The following PDZD2 variants were observed in gnomAD, a reference collection of about 807,000 sequenced individuals.
The protein encoded by PDZD2 is PDZ domain-containing protein 2.
Under a neutral mutation model 220.7 loss-of-function variants are expected in PDZD2, and 90 were observed. That is an observed-to-expected ratio of 0.41 (90% CI 0.34 to 0.49). PDZD2 has a LOEUF of 0.49. Among genes scored for constraint, PDZD2 ranks in the 20% least tolerant of loss-of-function variants. PDZD2 has a pLI of 0.28. For missense variants in PDZD2, 3,174 were observed against 3,608.5 expected (o/e 0.88, Z 3.08); for synonymous variants, 1,375 against 1,450.5 (o/e 0.95, Z 1.18).
chr5:32,068,849 G>GTA (rs1214938830), intron 14 of PDZD2, among the ~76,000 whole-genome samples: 3 of 151,978 alleles, frequency 2.0e-5, no homozygotes, highest in African/African-American at 7.3e-5. Flanking sequence ...GCGTGTGTGT[G>GTA]TATGTGTCTG....
chr5:31,731,784 C>G (rs368042347), intron 1 of PDZD2, among the ~76,000 whole-genome samples: 6 of 152,210 alleles, frequency 3.9e-5, no homozygotes, highest in Admixed American at 6.5e-5. Context: ...CTTTTGACTA[C>G]TGTCAACACT....
At chr5:31,867,786 T>A (rs571375428) in intron 2 of PDZD2, among the ~76,000 whole-genome samples, 1 of 152,034 alleles carries the variant, frequency 6.6e-6, no homozygotes, top group South Asian at 2.1e-4. Flanking sequence ...CGTGTTATAT[T>A]CTTCTACATA....
intron 14 of PDZD2, among the ~76,000 whole-genome samples, chr5:32,061,632 G>T (rs1279813212): frequency 6.6e-6 from 1 of 152,126 alleles, no homozygotes; most frequent in South Asian, 2.1e-4. Flanking sequence ...AGAAATGAGG[G>T]CCAGGCTTGA....
At chr5:32,104,534 G>T (rs1176576526) in intron 24 of PDZD2, among the ~76,000 whole-genome samples, 1 of 151,038 alleles carries the variant, frequency 6.6e-6, no homozygotes, top group Non-Finnish European at 1.5e-5. Context: ...GACCAGCCTG[G>T]CCAACATGGT....
chr5:31,747,370 T>G (rs1313324590), intron 1 of PDZD2, among the ~76,000 whole-genome samples: 1 of 152,140 alleles, frequency 6.6e-6, no homozygotes, highest in Non-Finnish European at 1.5e-5. Context: ...CAAGGCCTAT[T>G]TGTTCAGATT....
chr5:32,056,563 C>A (rs1231876544), intron 10 of PDZD2, among the ~76,000 whole-genome samples: 1 of 152,202 alleles, frequency 6.6e-6, no homozygotes, highest in African/African-American at 2.4e-5. Context: ...GATAAGTCAA[C>A]AGGATGTCCA....
At chr5:31,772,126 G>T (rs1170748054) in intron 1 of PDZD2, among the ~76,000 whole-genome samples, 1 of 152,100 alleles carries the variant, frequency 6.6e-6, no homozygotes, top group Non-Finnish European at 1.5e-5. Flanking sequence ...CCTCCATTTT[G>T]AAGTTTAACT....
intron 19 of PDZD2, among the ~76,000 whole-genome samples, chr5:32,082,629 C>T (rs1315778240): frequency 2.0e-5 from 3 of 151,984 alleles, no homozygotes; most frequent in Non-Finnish European, 4.4e-5. Flanking sequence ...AGTTATATTA[C>T]GTGTGTGTAT....
chr5:31,763,280 A>G (rs1282206150), intron 1 of PDZD2, among the ~76,000 whole-genome samples: 3 of 152,134 alleles, frequency 2.0e-5, no homozygotes, highest in African/African-American at 4.8e-5. Flanking sequence ...GGCCTCCGGT[A>G]TCAGGCGGTC....
chr5:31,972,560 C>A (rs1749401336), intron 2 of PDZD2, among the ~76,000 whole-genome samples: 1 of 152,150 alleles, frequency 6.6e-6, no homozygotes, highest in African/African-American at 2.4e-5. Context: ...ACTTCTGTGT[C>A]CTCAAATGCC....
chr5:31,847,508 A>T, intron 2 of PDZD2: 1 of 647,788 alleles, frequency 1.5e-6, no homozygotes, highest in Admixed American at 1.8e-5. Context: ...GCTTATGCAC[A>T]CACTGCCAAA....
rs1420641733 is a variant in PDZD2, at chr5:31,646,398, A to G, written c.-361+6961A>G. Among the ~76,000 whole-genome samples the G allele has an allele frequency of 1.3e-5, 2 of 152,158 alleles. No homozygotes were observed. Among genetic ancestry groups the G allele is most frequent in the Non-Finnish European group, 2.9e-5 (2 of 68,038 alleles). On this transcript the variant is annotated intron_variant, in intron 1 of 24. Coordinates refer to ENST00000438447, the MANE Select transcript of PDZD2 (RefSeq NM_178140.4). This position sits in a 1 kb window ranked among gnomAD's most constrained non-coding sequence, Gnocchi z 4.7. ...GGAACCTGACCCCTCCACGTCATGA[A>G]CACTAAGTAGCTCCTGACACTGCTT...
chr5:31,930,109 G>A (rs1419345631), intron 2 of PDZD2, among the ~76,000 whole-genome samples: 1 of 151,772 alleles, frequency 6.6e-6, no homozygotes, highest in Admixed American at 6.6e-5. Flanking sequence ...AGCCAGGCAG[G>A]TACAGGTACC....
At chr5:31,767,120 C>T (rs1228160241) in intron 1 of PDZD2, among the ~76,000 whole-genome samples, 2 of 151,138 alleles carry the variant, frequency 1.3e-5, no homozygotes, top group African/African-American at 4.9e-5. Context: ...CAACCTCTGC[C>T]CTCTGGGTTC....
At chr5:31,914,623 T>C (rs79731441) in intron 2 of PDZD2, among the ~76,000 whole-genome samples, 1,647 of 152,336 alleles carry the variant, frequency 0.011, 14 homozygotes, top group Middle Eastern at 0.031. Context: ...GAGGACAACT[T>C]TGAAACTTTC....
At chr5:31,818,211 A>G (rs1347167009) in intron 2 of PDZD2, among the ~76,000 whole-genome samples, 1 of 151,918 alleles carries the variant, frequency 6.6e-6, no homozygotes, top group African/African-American at 2.4e-5. Context: ...GGCTCAAGCA[A>G]TCCACCTTCC....
intron 2 of PDZD2, among the ~76,000 whole-genome samples, chr5:31,857,398 T>C (rs1561515051): frequency 6.6e-6 from 1 of 152,172 alleles, no homozygotes; most frequent in Non-Finnish European, 1.5e-5. Context: ...TTCCTTTTTC[T>C]TTACATTCTT....
intron 5 of PDZD2, among the ~76,000 whole-genome samples, chr5:32,009,732 T>TA (rs546260806): frequency 0.041 from 6,047 of 145,784 alleles, 357 homozygotes; most frequent in African/African-American, 0.13. Flanking sequence ...CCTTGTCTAT[T>TA]AAAAAAAAAA....
At chr5:31,856,488 A>G (rs1335283953) in intron 2 of PDZD2, among the ~76,000 whole-genome samples, 1 of 152,100 alleles carries the variant, frequency 6.6e-6, no homozygotes, top group Non-Finnish European at 1.5e-5. Flanking sequence ...CTGGGCCCTC[A>G]CCCTCTCTGA....
Sources: gnomAD v4.1 joint callset for allele counts (sites outside exome capture counted in the v4.1 genomes callset) on GRCh38, gnomAD v4.1.1 for gene constraint, Gnocchi (gnomAD v3.1) non-coding constraint, MANE v1.5 for transcripts, NCBI Gene and HGNC (gene_info 2026-07-23, HGNC 2026-07-21) for gene names.